Variants in PLPPR5 observed in about 807,000 individuals in gnomAD.
PLPPR5 encodes phospholipid phosphatase-related protein type 5.
PLPPR5 carries 16 observed loss-of-function variants against 33.9 expected under a neutral mutation model. The ratio of observed to expected loss-of-function variants is 0.47; its 90% CI spans 0.32 to 0.72. The LOEUF (loss-of-function observed/expected upper bound fraction) is 0.72, where lower values mean the gene tolerates loss of function less well. Among genes scored for constraint, PLPPR5 ranks in the 30% least tolerant of loss-of-function variants. The probability of loss-of-function intolerance (pLI) is 0.03; values close to 1 mark genes in which losing one functional copy is unlikely to be tolerated. For missense variants in PLPPR5, 301 were observed against 406.7 expected (o/e 0.74, Z 2.23); for synonymous variants, 163 against 150.3 (o/e 1.08, Z -0.62).
chr1:98,918,671 G>A (rs1649444498), intron 4 of PLPPR5, among the ~76,000 whole-genome samples: 1 of 152,100 alleles, frequency 6.6e-6, no homozygotes, highest in Non-Finnish European at 1.5e-5. Context: ...AACTTCCTGG[G>A]GAAATTGGAT....
intron 1 of PLPPR5, chr1:98,990,904 T>C (rs1339370492): frequency 6.6e-6 from 1 of 152,136 alleles, no homozygotes; most frequent in African/African-American, 2.4e-5. Context: ...ATATTAGCGT[T>C]ATTTATATCT....
At chr1:98,976,456 C>T (rs1651857696) in intron 1 of PLPPR5, among the ~76,000 whole-genome samples, 1 of 151,946 alleles carries the variant, frequency 6.6e-6, no homozygotes, top group African/African-American at 2.4e-5. Context: ...TTCTAAAGTA[C>T]AGATCAAAAT....
chr1:98,898,713 G>A (rs1648575181), intron 5 of PLPPR5, among the ~76,000 whole-genome samples: 1 of 152,162 alleles, frequency 6.6e-6, no homozygotes, highest in Non-Finnish European at 1.5e-5. Context: ...GCTATCATGT[G>A]ACAGAACCAA....
At chr1:98,904,018 T>G (rs574923416) in intron 5 of PLPPR5, among the ~76,000 whole-genome samples, 1 of 152,270 alleles carries the variant, frequency 6.6e-6, no homozygotes, top group African/African-American at 2.4e-5. Flanking sequence ...TCCATATAAT[T>G]TTTTTGGCAG....
intron 3 of PLPPR5, among the ~76,000 whole-genome samples, chr1:98,931,586 C>A (rs1051055950): frequency 2.6e-5 from 4 of 151,990 alleles, no homozygotes; most frequent in Non-Finnish European, 4.4e-5. Context: ...GGGAGGAAGG[C>A]GGGGCTGGAG....
chr1:98,956,783 C>T (rs751126698), intron 1 of PLPPR5, 42 bp from the exon 2 acceptor site: 39 of 1,431,050 alleles, frequency 2.7e-5, no homozygotes, highest in Non-Finnish European at 3.5e-5. Flanking sequence ...AGAATTTAAC[C>T]AGTATAAATG....
At chr1:98,976,616 C>A (rs530285745) in intron 1 of PLPPR5, among the ~76,000 whole-genome samples, 1 of 152,024 alleles carries the variant, frequency 6.6e-6, no homozygotes, top group Admixed American at 6.6e-5. Context: ...GACTGAGCAC[C>A]AGAAAGGTGG....
chr1:98,904,261 C>CTTTTT (rs1050471002), intron 5 of PLPPR5, among the ~76,000 whole-genome samples: 6 of 117,356 alleles, frequency 5.1e-5, no homozygotes, highest in Non-Finnish European at 8.7e-5. Context: ...ATTACTTTCC[C>CTTTTT]TTTTTTTTTT....
intron 5 of PLPPR5, among the ~76,000 whole-genome samples, chr1:98,893,929 A>G (rs1174383057): frequency 6.6e-6 from 1 of 152,062 alleles, no homozygotes; most frequent in Non-Finnish European, 1.5e-5. Context: ...AACAAATGAT[A>G]TCATAAACAG....
intron 3 of PLPPR5, among the ~76,000 whole-genome samples, chr1:98,927,344 G>T (rs1649804836): frequency 6.6e-6 from 1 of 152,160 alleles, no homozygotes; most frequent in African/African-American, 2.4e-5. Flanking sequence ...GGTCAAGGTG[G>T]GGAGGCAACC....
intron 5 of PLPPR5, among the ~76,000 whole-genome samples, chr1:98,906,057 G>T (rs1028890155): frequency 4.0e-5 from 6 of 151,548 alleles, no homozygotes; most frequent in Non-Finnish European, 8.8e-5. Flanking sequence ...TGTCATTGTG[G>T]TTGTGTTAGT....
intron 3 of PLPPR5, 147 bp from the exon 4 acceptor site, chr1:98,922,205 A>T (rs1649583020): frequency 1.2e-6 from 1 of 806,068 alleles, no homozygotes; most frequent in Non-Finnish European, 1.9e-6. Flanking sequence ...GAAGTTTTTG[A>T]AATCAGTTTC....
chr1:99,004,713 T>C lies in PLPPR5; in HGVS notation c.-42A>G, dbSNP rs12057990. 0.25 allele frequency: 348,684 copies of C among 1,380,100 alleles called. 45,205 individuals carry two copies. The highest frequency in any genetic ancestry group is 0.4 in the East Asian group (14,022 of 35,076). The allele number at this position is 1,380,100 out of a possible 1,614,324, so 85.5% of individuals were successfully genotyped here. On this transcript the variant is annotated 5_prime_UTR_variant, in exon 1 of 6. Coordinates refer to ENST00000263177, the MANE Select transcript of PLPPR5 (RefSeq NM_001037317.2). ...GGGCCGAGCCGAGCCGAGCGGGCGG[T>C]CGACGCGGTGGGCCCCCTCCCCGGT...
Position 99,004,721 on chromosome 1 carries a change from G to A in PLPPR5, c.-50C>T. 7.8e-7 allele frequency: 1 copy of A among 1,282,388 alleles called. No homozygotes were observed. Among genetic ancestry groups the A allele is most frequent in the Non-Finnish European group, 1.0e-6 (1 of 984,666 alleles). 79.4% of individuals were successfully genotyped at this position (1,282,388 alleles called of 1,614,324 possible). Reference sequence around the variant, plus strand: ...CCGAGCCGAGCGGGCGGTCGACGCGGTGGGCCCCCTCCCCGGTCCGCCGAG... The same window carrying A: ...CCGAGCCGAGCGGGCGGTCGACGCGATGGGCCCCCTCCCCGGTCCGCCGAG... On this transcript the variant is annotated 5_prime_UTR_variant, in exon 1 of 6. Transcript: ENST00000263177.
intron 1 of PLPPR5, among the ~76,000 whole-genome samples, chr1:98,983,731 A>G (rs1193361245): frequency 6.6e-6 from 1 of 151,850 alleles, no homozygotes; most frequent in Non-Finnish European, 1.5e-5. Context: ...CTATTTCTCC[A>G]CATCCTCTCC....
At chr1:98,920,680 G>A (rs757265746) in intron 4 of PLPPR5, among the ~76,000 whole-genome samples, 1 of 149,418 alleles carries the variant, frequency 6.7e-6, no homozygotes, top group Non-Finnish European at 1.5e-5. Context: ...TATTTAAAAT[G>A]CCCAGTACAT....
At chr1:98,970,412 A>G (rs1293185956) in intron 1 of PLPPR5, among the ~76,000 whole-genome samples, 2 of 152,038 alleles carry the variant, frequency 1.3e-5, no homozygotes, top group Non-Finnish European at 2.9e-5. Flanking sequence ...AATGGGTTGA[A>G]TTTATTATGC....
At chr1:98,957,223 T>G (rs112534683) in intron 1 of PLPPR5, among the ~76,000 whole-genome samples, 9 of 146,878 alleles carry the variant, frequency 6.1e-5, no homozygotes, top group African/African-American at 2.3e-4. Flanking sequence ...CATTGGGAGA[T>G]ATACCTAATG....
At chr1:98,928,366 G>C (rs984044877) in intron 3 of PLPPR5, among the ~76,000 whole-genome samples, 55 of 151,760 alleles carry the variant, frequency 3.6e-4, no homozygotes, top group African/African-American at 1.1e-3. Context: ...AATGTATTTT[G>C]CAAGTGTCAA....
Sources: gnomAD v4.1 joint callset for allele counts (sites outside exome capture counted in the v4.1 genomes callset) on GRCh38, gnomAD v4.1.1 for gene constraint, MANE v1.5 for transcripts, NCBI Gene and HGNC (gene_info 2026-07-23, HGNC 2026-07-21) for gene names.